The following HCN1 variants were observed in gnomAD, a reference collection of about 807,000 sequenced individuals.
HCN1 encodes the protein potassium/sodium hyperpolarization-activated cyclic nucleotide-gated channel 1.
In HCN1, 13 loss-of-function variants were observed where a neutral mutation model predicts 78.9. That is an observed-to-expected ratio of 0.16 (90% CI 0.11 to 0.26). The LOEUF is 0.26. Ranked by LOEUF, HCN1 falls within the 10% of genes least tolerant of loss-of-function variation. The pLI, the probability that HCN1 is intolerant of heterozygous loss-of-function variation, is 1.00. For synonymous variants in HCN1, 552 were observed against 455.5 expected (o/e 1.21, Z -2.70); for missense variants, 810 against 1,154.3 (o/e 0.70, Z 4.32).
At chr5:45,613,909 C>T (rs147967449) in intron 2 of HCN1, among the ~76,000 whole-genome samples, 118 of 152,092 alleles carry the variant, frequency 7.8e-4, no homozygotes, top group East Asian at 3.9e-3. Context: ...GCAGATAATC[C>T]GCAGTCTTAT....
chr5:45,404,338 AC>A, intron 3 of HCN1, among the ~76,000 whole-genome samples: 1 of 152,288 alleles, frequency 6.6e-6, no homozygotes, highest in Middle Eastern at 3.4e-3. Context: ...AATCCCACAG[AC>A]AATAAGCAAA....
chr5:45,467,616 C>A (rs958043689), intron 2 of HCN1, among the ~76,000 whole-genome samples: 4 of 151,978 alleles, frequency 2.6e-5, no homozygotes, highest in African/African-American at 9.7e-5. Flanking sequence ...AGGATAGCAA[C>A]CTTAGTTGAG....
intron 2 of HCN1, among the ~76,000 whole-genome samples, chr5:45,508,012 T>G (rs147758228): frequency 6.6e-6 from 1 of 152,228 alleles, no homozygotes; most frequent in Non-Finnish European, 1.5e-5. Context: ...TTCTGAAGAT[T>G]ATCATATATA....
chr5:45,263,952 C>A (rs1008501515), intron 7 of HCN1, among the ~76,000 whole-genome samples: 1 of 151,988 alleles, frequency 6.6e-6, no homozygotes, highest in Non-Finnish European at 1.5e-5. Flanking sequence ...CGCCACCGTG[C>A]CCGGTTAATT....
chr5:45,379,164 A>G (rs1337608395), intron 4 of HCN1, among the ~76,000 whole-genome samples: 1 of 152,104 alleles, frequency 6.6e-6, no homozygotes, highest in Non-Finnish European at 1.5e-5. Flanking sequence ...GTCAAATGGT[A>G]TTTCTAGTTC....
At chr5:45,552,967 T>C (rs911422183) in intron 2 of HCN1, among the ~76,000 whole-genome samples, 2 of 151,732 alleles carry the variant, frequency 1.3e-5, no homozygotes, top group African/African-American at 4.8e-5. Context: ...CAAAGTGAAG[T>C]TCAGAAAATT....
At chr5:45,298,957 G>T (rs1407133746) in intron 6 of HCN1, among the ~76,000 whole-genome samples, 1 of 151,950 alleles carries the variant, frequency 6.6e-6, no homozygotes, top group Non-Finnish European at 1.5e-5. Context: ...TTTAAGTCTC[G>T]TTTTTCTTCC....
At chr5:45,657,223 G>A (rs1246008752) in intron 1 of HCN1, among the ~76,000 whole-genome samples, 2 of 152,128 alleles carry the variant, frequency 1.3e-5, no homozygotes, top group Non-Finnish European at 2.9e-5. Context: ...CCAGTATAGT[G>A]AGAAATTTTC....
At position 45,375,117 on chromosome 5, in the gene HCN1, A is replaced by G. The variant is rs187137041; in HGVS notation, c.1230+21375T>C. On this transcript the variant is annotated intron_variant, in intron 4 of 7. Transcript: ENST00000303230. Reference sequence around the variant, plus strand: ...AATATAATATTTTATAATATATAATATATTATATATAATATATTTTATAAT... The same window carrying G: ...AATATAATATTTTATAATATATAATGTATTATATATAATATATTTTATAAT... Among the ~76,000 whole-genome samples the G allele has an allele frequency of 1.0e-3, 123 of 121,106 alleles. 1 individual carries two copies. Among genetic ancestry groups the G allele is most frequent in the South Asian group, 8.5e-3 (38 of 4,480 alleles). 79.5% of individuals were successfully genotyped at this position (121,106 alleles called of 152,430 possible). A position where few individuals can be genotyped will look rare whatever the true frequency, so the allele number is the denominator to read the frequency against.
At chr5:45,477,853 G>T (rs1366599657) in intron 2 of HCN1, among the ~76,000 whole-genome samples, 3 of 152,090 alleles carry the variant, frequency 2.0e-5, no homozygotes, top group Non-Finnish European at 4.4e-5. Context: ...GCTTTAAAAT[G>T]AATGGTTTTT....
chr5:45,398,445 A>G (rs1252013988), intron 3 of HCN1, among the ~76,000 whole-genome samples: 2 of 151,888 alleles, frequency 1.3e-5, no homozygotes, highest in Non-Finnish European at 2.9e-5. Context: ...GTGTGCCTAT[A>G]TGTGTGTGTG....
chr5:45,295,762 T>C (rs1745479139), intron 6 of HCN1, among the ~76,000 whole-genome samples: 1 of 152,046 alleles, frequency 6.6e-6, no homozygotes, highest in Non-Finnish European at 1.5e-5. Context: ...CCTCAGCTAA[T>C]GTCTGGTTCT....
chr5:45,262,183 G>A lies in HCN1; in HGVS notation c.2411C>T (p.Pro804Leu). 1 of 1,614,034 alleles carries A rather than the reference G, an allele frequency of 6.2e-7. No individual in the cohort carries two copies. The highest frequency in any genetic ancestry group is 8.5e-7 in the Non-Finnish European group (1 of 1,180,036). ...CAGGGACTCGCCCACAGTGGGATGA[G>A]GTCTGGAAATCAGAGTGGACACCTC... ...PHEVSTLISR[P>L]HPTVGESLAS... The change falls in exon 8 of 8, where the codon CCT (proline) becomes CTT (leucine). Residue 804 changes from proline (P) to leucine (L), a missense_variant. By Grantham distance (98) the Pro-to-Leu change is moderately conservative. Transcript: ENST00000303230.
At chr5:45,333,195 T>C (rs1175843629) in intron 5 of HCN1, among the ~76,000 whole-genome samples, 1 of 151,826 alleles carries the variant, frequency 6.6e-6, no homozygotes, top group Non-Finnish European at 1.5e-5. Flanking sequence ...CTTGGGTAGA[T>C]GATATCTCAC....
chr5:45,494,289 C>A (rs1192145327), intron 2 of HCN1, among the ~76,000 whole-genome samples: 1 of 152,102 alleles, frequency 6.6e-6, no homozygotes, highest in African/African-American at 2.4e-5. Context: ...GAATGATTGC[C>A]ATTCTAACTG....
intron 5 of HCN1, among the ~76,000 whole-genome samples, chr5:45,321,659 T>G (rs770368689): frequency 6.0e-5 from 9 of 150,492 alleles, no homozygotes; most frequent in Non-Finnish European, 5.9e-5. Context: ...TCTTAGACAA[T>G]TTACATTTTA....
At chr5:45,555,419 C>A (rs923261403) in intron 2 of HCN1, among the ~76,000 whole-genome samples, 1 of 151,694 alleles carries the variant, frequency 6.6e-6, no homozygotes, top group African/African-American at 2.4e-5. Flanking sequence ...AAAATATATT[C>A]TATGGTCATG....
chr5:45,625,057 A>C (rs1294980635), intron 2 of HCN1, among the ~76,000 whole-genome samples: 1 of 152,186 alleles, frequency 6.6e-6, no homozygotes, highest in East Asian at 1.9e-4. Context: ...TTGGTATTAA[A>C]AAAATTCATC....
intron 5 of HCN1, among the ~76,000 whole-genome samples, chr5:45,329,686 T>C (rs1282431273): frequency 6.6e-6 from 1 of 151,416 alleles, no homozygotes; most frequent in Admixed American, 6.6e-5. Flanking sequence ...GGAATCTTTT[T>C]TAAATTAACA....
Sources: allele counts gnomAD v4.1 joint callset (sites outside exome capture counted in the v4.1 genomes callset), GRCh38; gene constraint gnomAD v4.1.1; transcripts MANE v1.5; gene names NCBI Gene and HGNC (gene_info 2026-07-23, HGNC 2026-07-21).